PKD1: variants seen among roughly 807,000 people sequenced by gnomAD.
The protein encoded by PKD1 is polycystin-1.
Under a neutral mutation model 361.7 loss-of-function variants are expected in PKD1, and 81 were observed. The observed-to-expected ratio is 0.22, with a 90% CI of 0.19 to 0.27. The LOEUF (loss-of-function observed/expected upper bound fraction) is 0.27. Among genes scored for constraint, PKD1 ranks in the 10% least tolerant of loss-of-function variants. The pLI, the probability that PKD1 is intolerant of heterozygous loss-of-function variation, is 1.00. For missense variants in PKD1, 6,399 were observed against 6,118.3 expected (o/e 1.05, Z -1.53); for synonymous variants, 3,615 against 2,818.3 (o/e 1.28, Z -8.95).
At chr16:2,096,849 T>A (rs922633302) in intron 34 of PKD1, 2 of 477,456 alleles carry the variant, frequency 4.2e-6, no homozygotes, top group Non-Finnish European at 7.5e-6. Flanking sequence ...CGCCCATAAT[T>A]TCTCACTGCT....
intron 1 of PKD1, among the ~76,000 whole-genome samples, chr16:2,133,576 C>T (rs956006161): frequency 1.3e-5 from 2 of 151,928 alleles, no homozygotes; most frequent in African/African-American, 2.4e-5. Context: ...AGCAAAATGG[C>T]TGGGCTGCCC....
At chr16:2,095,975 C>A (rs1033779132) in intron 34 of PKD1, among the ~76,000 whole-genome samples, 1 of 152,196 alleles carries the variant, frequency 6.6e-6, no homozygotes, top group Non-Finnish European at 1.5e-5. Flanking sequence ...GGTTATCTGC[C>A]TTTTGTAAAT....
At chr16:2,101,979 C>T (rs1054793827) in intron 26 of PKD1, 82 bp downstream of exon 26, 23 of 846,016 alleles carry the variant, frequency 2.7e-5, no homozygotes, top group Admixed American at 1.2e-4. Flanking sequence ...CTGACGCCTG[C>T]GACGAGACTC....
At position 2,089,372 on chromosome 16, in the gene PKD1, A is replaced by C; in HGVS notation, c.*355T>G. ...GGGCAGGGTGGCGGCGGTGCAGGCT[A>C]ACCCTCCCTGAAGCCAGCAGCCTTA... On this transcript the variant is annotated 3_prime_UTR_variant, in exon 46 of 46. Coordinates refer to ENST00000262304, the MANE Select transcript of PKD1 (RefSeq NM_001009944.3). The C allele has an allele frequency of 2.6e-6, 1 of 385,866 alleles. No homozygotes were observed. The highest frequency in any genetic ancestry group is 4.8e-6 in the Non-Finnish European group (1 of 209,642). The allele number at this position is 385,866 out of a possible 1,614,324, so 23.9% of individuals were successfully genotyped here. A position where few individuals can be genotyped will look rare whatever the true frequency, so the allele number is the denominator to read the frequency against.
rs141612709 is a variant in PKD1, at chr16:2,105,982, C to T, written c.7746G>A (p.Thr2582=). The T allele has an allele frequency of 1.0e-5, 16 of 1,602,530 alleles. No individual in the cohort carries two copies. Among genetic ancestry groups the T allele is most frequent in the Non-Finnish European group, 1.2e-5 (14 of 1,179,630 alleles). ...ITLPEPNGSA[T]GLTVWLHGLT... ...GCCCGTGCAGCCAGACTGTGAGCCC[C>T]GTTGCGCTGCCGTTGGGCTCTGGGA... The change falls in exon 20 of 46, where the codon ACG becomes ACA. Residue 2582 remains threonine, a synonymous_variant. Coordinates refer to ENST00000262304, the MANE Select transcript of PKD1 (RefSeq NM_001009944.3).
chr16:2,103,801 G>T lies in PKD1; in HGVS notation c.8256C>A (p.Ala2752=). ...ESPSRMVASQ[A]YNLTSALMRI... The stretch of plus-strand genomic sequence containing the variant: ...GCATGAGGGCAGAGGTCAGGTTGTA[G>T]GCCTGGGACGCCACCATCCGAGATG... Residue 2752 remains alanine (A), a synonymous_variant, in exon 23 of 46, where the codon GCC becomes GCA. Coordinates refer to ENST00000262304, the MANE Select transcript of PKD1 (RefSeq NM_001009944.3). The T allele has an allele frequency of 6.2e-7, 1 of 1,609,486 alleles. No homozygotes were observed. The highest frequency in any genetic ancestry group is 8.5e-7 in the Non-Finnish European group (1 of 1,179,496).
Position 2,106,272 on chromosome 16 carries a change from G to A in PKD1, c.7522C>T (p.Leu2508=), listed in dbSNP as rs1295836825. The change falls in exon 19 of 46, where the codon CTG becomes TTG. Residue 2508 remains leucine, a synonymous_variant. Coordinates refer to ENST00000262304, the MANE Select transcript of PKD1 (RefSeq NM_001009944.3). This position sits in a 1 kb window ranked among gnomAD's most constrained non-coding sequence, Gnocchi z 6.5. The part of the protein sequence containing the change: ...WHDAEDAGAP[L]VYALLLRRCR... ...CGCCGCAGCAGCAGGGCGTACACCA[G>A]CGGGGCGCCAGCATCCTCCGCGTCA... 3 of 1,610,144 alleles carry A rather than the reference G, an allele frequency of 1.9e-6. No individual in the cohort carries two copies. The highest frequency in any genetic ancestry group is 2.2e-5 in the South Asian group (2 of 90,978).
At position 2,091,428 on chromosome 16, in the gene PKD1, T is replaced by C. The variant is rs1217483716; in HGVS notation, c.11707A>G (p.Thr3903Ala). ...LSAGLSLPLLTSVCLLLFAVH... is the reference protein window; with the variant it reads ...LSAGLSLPLLASVCLLLFAVH... ...CTGGCCGGGGACGGGCGTACCGAGG[T>C]GAGCAGAGGCAGCGAGAGGCCCGCG... The change falls in exon 42 of 46, where the codon ACC (threonine) becomes GCC (alanine). Residue 3903 changes from threonine (T) to alanine (A), a missense_variant. Physicochemically the swap from Thr to Ala is moderately conservative, Grantham distance 58. Transcript: ENST00000262304. The C allele has an allele frequency of 8.5e-7, 1 of 1,169,750 alleles. No homozygotes were observed. Among genetic ancestry groups the C allele is most frequent in the Non-Finnish European group, 1.1e-6 (1 of 947,390 alleles). 72.5% of individuals were successfully genotyped at this position (1,169,750 alleles called of 1,614,324 possible). A position where few individuals can be genotyped will look rare whatever the true frequency, so the allele number is the denominator to read the frequency against.
Position 2,100,034 on chromosome 16 carries a change from C to G in PKD1, c.9750G>C (p.Val3250=). ...AALLRFRRLL[V]AELQRGFFDK... is the part of the protein sequence containing the mutation. The stretch of plus-strand genomic sequence containing the variant: ...CAAAGAAGCCACGCTGCAGCTCAGC[C>G]ACCAGCAGGCGCCGGAAGCGCAAAA... The change falls in exon 29 of 46, where the codon GTG becomes GTC. Residue 3250 remains valine, a synonymous_variant. Coordinates refer to ENST00000262304, the MANE Select transcript of PKD1 (RefSeq NM_001009944.3). The surrounding 1 kb of genome is among the most constrained non-coding windows in gnomAD (Gnocchi z 4.4). 2 of 1,583,326 alleles carry G rather than the reference C, an allele frequency of 1.3e-6. No homozygotes were observed. Among genetic ancestry groups the G allele is most frequent in the Non-Finnish European group, 1.7e-6 (2 of 1,166,286 alleles).
chr16:2,116,258 C>G, intron 8 of PKD1, 140 bp from the exon 9 acceptor site: 3 of 908,128 alleles, frequency 3.3e-6, no homozygotes, highest in Non-Finnish European at 3.5e-6. Context: ...TCCTGTCGCT[C>G]GAGAGGAAGA....
At chr16:2,095,725 G>A (rs764232230) in intron 34 of PKD1, among the ~76,000 whole-genome samples, 4 of 152,254 alleles carry the variant, frequency 2.6e-5, no homozygotes, top group Admixed American at 6.5e-5. Context: ...AGCACTGTCC[G>A]AGCAAGGGAC....
rs1221299997 is a variant in PKD1 at position 2,089,332 on chromosome 16, G to C, written c.*395C>G. The C allele has an allele frequency of 6.5e-6, 2 of 309,790 alleles. No homozygotes were observed. The highest frequency in any genetic ancestry group is 2.1e-5 in the African/African-American group (1 of 46,846). The allele number at this position is 309,790 out of a possible 1,614,324, so 19.2% of individuals were successfully genotyped here. On this transcript the variant is annotated 3_prime_UTR_variant, in exon 46 of 46. Transcript: ENST00000262304. ...TGCAGGGAGTACGGTAGGAACTGGA[G>C]AGGTAATAACTTAGGGGCAGGGTGG...
At chr16:2,090,616 G>A (rs780512004) in intron 44 of PKD1, 26 bp from the exon 45 acceptor site, 10 of 1,608,790 alleles carry the variant, frequency 6.2e-6, no homozygotes, top group East Asian at 2.2e-5. Context: ...CACCAGTGAG[G>A]GCGTACAGCT....
At chr16:2,103,136 G>C in intron 23 of PKD1, 130 bp downstream of exon 23, 1 of 1,322,062 alleles carries the variant, frequency 7.6e-7, no homozygotes, top group Non-Finnish European at 1.1e-6. Flanking sequence ...CTCCTCTCTG[G>C]CCAGGCCCCC....
chr16:2,092,849 C>T, intron 38 of PKD1, 105 bp downstream of exon 38: 2 of 1,385,970 alleles, frequency 1.4e-6, no homozygotes, highest in South Asian at 1.2e-5. Flanking sequence ...CCAGTTCTAG[C>T]AGCCACAAAG....
intron 1 of PKD1, among the ~76,000 whole-genome samples, chr16:2,130,054 C>T (rs1220608923): frequency 6.6e-6 from 1 of 152,220 alleles, no homozygotes; most frequent in Non-Finnish European, 1.5e-5. Context: ...CCGGCAATCG[C>T]GTACAGGAGT....
intron 44 of PKD1, 21 bp from the exon 45 acceptor site, chr16:2,090,611 G>GT (rs757552472): frequency 1.9e-6 from 3 of 1,608,776 alleles, no homozygotes; most frequent in Admixed American, 1.7e-5. Context: ...GGCGACACCA[G>GT]TGAGGGCGTA....
rs1414700166 is a variant in PKD1 at position 2,108,656 on chromosome 16, C to A, written c.6511G>T (p.Ala2171Ser). Reference sequence around the variant, plus strand: ...ACGCAGTCGCGCAGGTCAACGTGGGCCTCCAAGTAGTTGCGCTGTGATCGC... The same window carrying A: ...ACGCAGTCGCGCAGGTCAACGTGGGACTCCAAGTAGTTGCGCTGTGATCGC... ...MRRSQRNYLEAHVDLRDCVTY... is the reference protein window; with the variant it reads ...MRRSQRNYLESHVDLRDCVTY... The change falls in exon 15 of 46, where the codon GCC becomes TCC. Residue 2171 changes from alanine to serine, a missense_variant. Coordinates refer to ENST00000262304, the MANE Select transcript of PKD1 (RefSeq NM_001009944.3). The A allele has an allele frequency of 1.9e-6, 3 of 1,563,870 alleles. No individual in the cohort carries two copies. Among genetic ancestry groups the A allele is most frequent in the Admixed American group, 1.9e-5 (1 of 53,244 alleles).
rs749281950 is a variant in PKD1 at position 2,097,990 on chromosome 16, G to A, written c.10051-6C>T. On this transcript the variant is annotated splice_region_variant and splice_polypyrimidine_tract_variant and intron_variant, in intron 30 of 45. Coordinates refer to ENST00000262304, the MANE Select transcript of PKD1 (RefSeq NM_001009944.3). ...GGGCTCGGGCTCCCAGCCACCTGCA[G>A]GACGAGGGCAGTGGTCAGCGGGCGG... is the stretch of plus-strand genomic sequence containing the variant. The A allele has an allele frequency of 4.2e-5, 65 of 1,548,208 alleles. No individual in the cohort carries two copies. Among genetic ancestry groups the A allele is most frequent in the African/African-American group, 6.8e-5 (5 of 73,816 alleles).
Sources: gnomAD v4.1 joint callset for allele counts (sites outside exome capture counted in the v4.1 genomes callset) on GRCh38, gnomAD v4.1.1 for gene constraint, Gnocchi (gnomAD v3.1) non-coding constraint, MANE v1.5 for transcripts, NCBI Gene and HGNC (gene_info 2026-07-23, HGNC 2026-07-21) for gene names.